Variants in RIMBP2 observed in about 807,000 individuals in gnomAD.
RIMBP2 encodes RIMS-binding protein 2.
Under a neutral mutation model 118.6 loss-of-function variants are expected in RIMBP2, and 48 were observed. The ratio of observed to expected loss-of-function variants is 0.40; its 90% CI spans 0.32 to 0.51. RIMBP2 has a LOEUF of 0.51. RIMBP2 is among the 20% of genes least tolerant of loss of function. The pLI is 0.41. For synonymous variants in RIMBP2, 762 were observed against 742.9 expected (o/e 1.03, Z -0.42); for missense variants, 1,551 against 1,768.3 (o/e 0.88, Z 2.20).
At chr12:130,492,629 G>A (rs990458723) in intron 4 of RIMBP2, among the ~76,000 whole-genome samples, 7 of 152,220 alleles carry the variant, frequency 4.6e-5, no homozygotes, top group African/African-American at 1.4e-4. Context: ...GCTCCCGGCT[G>A]TGAGCCCGGG....
intron 2 of RIMBP2, among the ~76,000 whole-genome samples, chr12:130,550,528 T>C (rs1363756240): frequency 6.6e-6 from 1 of 152,170 alleles, no homozygotes; most frequent in Non-Finnish European, 1.5e-5. Flanking sequence ...ACCACGGTGG[T>C]GAATGATGTT....
At chr12:130,587,829 TAAAAAAAAAA>T (rs374788301) in intron 2 of RIMBP2, among the ~76,000 whole-genome samples, 4 of 121,382 alleles carry the variant, frequency 3.3e-5, no homozygotes, top group African/African-American at 8.7e-5. Flanking sequence ...TAAAGTATAA[TAAAAAAAAAA>T]AAAGAAAAAA....
intron 2 of RIMBP2, among the ~76,000 whole-genome samples, chr12:130,542,433 T>A (rs1445262448): frequency 6.6e-6 from 1 of 152,208 alleles, no homozygotes. Flanking sequence ...GAATCTGAGA[T>A]GAGTTTTTAT....
intron 1 of RIMBP2, among the ~76,000 whole-genome samples, chr12:130,692,850 ATAGGG>A (rs762175825): frequency 0.037 from 2,993 of 80,886 alleles, 181 homozygotes; most frequent in African/African-American, 0.12. Flanking sequence ...ATGGGATGGG[ATAGGG>A]TAGGGTAGGG....
chr12:130,463,315 C>G (rs1208430777), intron 6 of RIMBP2, among the ~76,000 whole-genome samples: 1 of 152,226 alleles, frequency 6.6e-6, no homozygotes, highest in African/African-American at 2.4e-5. Flanking sequence ...ATCCCGAGGC[C>G]ACCTGCTCGG....
chr12:130,573,413 CGTGT>C lies in RIMBP2; in HGVS notation c.-217+54905_-217+54908del, dbSNP rs1261854421. 9.3e-5 allele frequency among the ~76,000 whole-genome samples: 14 copies of C among 151,230 alleles called. 1 individual carries two copies. In the East Asian group the frequency reaches 2.7e-3, roughly 29 times the overall value. On this transcript the variant is annotated intron_variant, in intron 2 of 22. Coordinates refer to ENST00000690449, the MANE Select transcript of RIMBP2 (RefSeq NM_001393629.1). ...TCGCGCGTGTGTGTGCGACTGTGTG[CGTGT>C]GAGTGTGTGCGTGGGTGTGTGCGTG... is the stretch of plus-strand genomic sequence containing the variant.
At position 130,511,942 on chromosome 12, in the gene RIMBP2, C is replaced by T. The variant is rs2050955138; in HGVS notation, c.-126-5172G>A. Reference sequence around the variant, plus strand: ...CCACCTCTGGGCTTCCTGAGCACAACAGTGCCCTTCGTATGAAACCCACCA... The same window carrying T: ...CCACCTCTGGGCTTCCTGAGCACAATAGTGCCCTTCGTATGAAACCCACCA... On this transcript the variant is annotated intron_variant, in intron 3 of 22. Coordinates refer to ENST00000690449, the MANE Select transcript of RIMBP2 (RefSeq NM_001393629.1). This position sits in a 1 kb window ranked among gnomAD's most constrained non-coding sequence, Gnocchi z 4.3. Among the ~76,000 whole-genome samples, 1 of 152,190 alleles carries T rather than the reference C, an allele frequency of 6.6e-6. No individual in the cohort carries two copies. Among genetic ancestry groups the T allele is most frequent in the African/African-American group, 2.4e-5 (1 of 41,464 alleles).
intron 6 of RIMBP2, among the ~76,000 whole-genome samples, chr12:130,460,976 T>C (rs1238915485): frequency 6.6e-6 from 1 of 152,010 alleles, no homozygotes; most frequent in Non-Finnish European, 1.5e-5. Flanking sequence ...GCCCCCAGGC[T>C]CCCAGCTGTC....
At chr12:130,689,406 T>C (rs529381266) in intron 1 of RIMBP2, among the ~76,000 whole-genome samples, 6 of 152,150 alleles carry the variant, frequency 3.9e-5, no homozygotes, top group East Asian at 3.9e-4. Context: ...GCACTCCAGC[T>C]TGGGCAACAA....
intron 2 of RIMBP2, among the ~76,000 whole-genome samples, chr12:130,549,411 T>C (rs529715716): frequency 1.3e-5 from 2 of 152,334 alleles, no homozygotes; most frequent in Admixed American, 1.3e-4. Context: ...TGAAGATCTG[T>C]TACACAGGTA....
intron 2 of RIMBP2, among the ~76,000 whole-genome samples, chr12:130,580,312 T>C (rs909609081): frequency 2.0e-5 from 3 of 152,190 alleles, no homozygotes; most frequent in African/African-American, 7.2e-5. Flanking sequence ...GTGGAGATGA[T>C]TGAATCATGG....
intron 2 of RIMBP2, among the ~76,000 whole-genome samples, chr12:130,605,343 C>T (rs1203982095): frequency 1.3e-5 from 2 of 152,114 alleles, no homozygotes; most frequent in African/African-American, 2.4e-5. Flanking sequence ...AAGTCAATCA[C>T]GCGGGGAAAC....
At chr12:130,572,197 C>T (rs1279696457) in intron 2 of RIMBP2, among the ~76,000 whole-genome samples, 4 of 152,330 alleles carry the variant, frequency 2.6e-5, no homozygotes, top group African/African-American at 7.2e-5. Flanking sequence ...AGGGACAAAG[C>T]GGCCGGAAAA....
At chr12:130,444,918 A>C (rs1256352221) in intron 10 of RIMBP2, among the ~76,000 whole-genome samples, 5 of 152,256 alleles carry the variant, frequency 3.3e-5, no homozygotes, top group African/African-American at 9.6e-5. Context: ...GGTTAGCGGA[A>C]AACATCTACC....
rs1028736719 is a variant in RIMBP2 at position 130,412,793 on chromosome 12, G to T, written c.3421-6C>A. The T allele has an allele frequency of 6.2e-7, 1 of 1,605,742 alleles. No homozygotes were observed. Among genetic ancestry groups the T allele is most frequent in the African/African-American group, 1.3e-5 (1 of 74,500 alleles). ...GCGTCTTTATCACCATAAACCTAGA[G>T]CCAAGGGGGAAAATAAATCAAGCAC... is the stretch of plus-strand genomic sequence containing the variant. On this transcript the variant is annotated splice_polypyrimidine_tract_variant and splice_region_variant and intron_variant, in intron 18 of 22. Coordinates refer to ENST00000690449, the MANE Select transcript of RIMBP2 (RefSeq NM_001393629.1).
rs1335518508 is a variant in RIMBP2 at position 130,450,722 on chromosome 12, C to G, written c.505-446G>C. 1.3e-5 allele frequency among the ~76,000 whole-genome samples: 2 copies of G among 151,854 alleles called. No individual in the cohort carries two copies. The highest frequency in any genetic ancestry group is 4.8e-5 in the African/African-American group (2 of 41,316). ...TTAAGCAGGAATTAGACCACATCACCCCCTGCCTTAACAGCTTTCAGTGGC... is the reference window on the plus strand; with the variant it reads ...TTAAGCAGGAATTAGACCACATCACGCCCTGCCTTAACAGCTTTCAGTGGC... On this transcript the variant is annotated intron_variant, in intron 8 of 22. Transcript: ENST00000690449. The surrounding 1 kb of genome is among the most constrained non-coding windows in gnomAD (Gnocchi z 4.8).
At chr12:130,566,965 G>A (rs1450225053) in intron 2 of RIMBP2, among the ~76,000 whole-genome samples, 1 of 152,126 alleles carries the variant, frequency 6.6e-6, no homozygotes, top group Non-Finnish European at 1.5e-5. Context: ...CAGCTTCGAT[G>A]GTTAGGGTGG....
chr12:130,635,572 C>G (rs2062302425), intron 1 of RIMBP2, among the ~76,000 whole-genome samples: 1 of 152,182 alleles, frequency 6.6e-6, no homozygotes, highest in Admixed American at 6.5e-5. Context: ...GGCCACCACC[C>G]AGGTCACTGC....
intron 2 of RIMBP2, among the ~76,000 whole-genome samples, chr12:130,592,742 G>A (rs1246697744): frequency 6.6e-6 from 1 of 151,922 alleles, no homozygotes; most frequent in East Asian, 1.9e-4. Flanking sequence ...GAGAACCCGG[G>A]GGACCTTGGC....
Sources: gnomAD v4.1 joint callset for allele counts (sites outside exome capture counted in the v4.1 genomes callset) on GRCh38, gnomAD v4.1.1 for gene constraint, Gnocchi (gnomAD v3.1) non-coding constraint, MANE v1.5 for transcripts, NCBI Gene and HGNC (gene_info 2026-07-23, HGNC 2026-07-21) for gene names.